MICU2: variants seen among roughly 807,000 people sequenced by gnomAD.
MICU2 encodes mitochondrial calcium uptake 2, also known as calcium uptake protein 2, mitochondrial.
A neutral mutation model predicts 60.4 loss-of-function variants in MICU2; 64 were observed. The observed-to-expected ratio is 1.06, with a 90% CI of 0.87 to 1.31. The LOEUF (loss-of-function observed/expected upper bound fraction) is 1.31, where lower values mean the gene tolerates loss of function less well. Ranked by LOEUF, MICU2 falls within the 50% of genes most tolerant of loss-of-function variation. MICU2 has a pLI of 0.00. For missense variants in MICU2, 569 were observed against 531.0 expected (o/e 1.07, Z -0.70); for synonymous variants, 201 against 175.0 (o/e 1.15, Z -1.17).
chr13:21,508,486 T>G (rs564878270), intron 8 of MICU2, among the ~76,000 whole-genome samples: 1 of 152,324 alleles, frequency 6.6e-6, no homozygotes, highest in African/African-American at 2.4e-5. Context: ...ACCTATCCTT[T>G]ACTCTGCTGC....
At chr13:21,559,547 CAG>C (rs1887790113) in intron 2 of MICU2, among the ~76,000 whole-genome samples, 1 of 145,914 alleles carries the variant, frequency 6.9e-6, no homozygotes, top group African/African-American at 2.5e-5. Flanking sequence ...TTTTTTGAGA[CAG>C]AGTCTTGCTC....
At chr13:21,546,970 G>C (rs907678316) in intron 2 of MICU2, among the ~76,000 whole-genome samples, 4 of 141,576 alleles carry the variant, frequency 2.8e-5, no homozygotes, top group Non-Finnish European at 4.7e-5. Flanking sequence ...AAATGTGTAG[G>C]TCTCATTTCT....
chr13:21,516,357 A>AT (rs1476253653), intron 6 of MICU2, among the ~76,000 whole-genome samples: 8 of 152,334 alleles, frequency 5.3e-5, no homozygotes, highest in Non-Finnish European at 1.2e-4. Flanking sequence ...TTCACTCAGC[A>AT]TAATGGTCTT....
intron 6 of MICU2, among the ~76,000 whole-genome samples, chr13:21,517,755 G>C (rs1823680678): frequency 6.6e-6 from 1 of 150,490 alleles, no homozygotes; most frequent in Admixed American, 6.6e-5. Context: ...ACTCCAGCCT[G>C]GGTGACAGAG....
intron 1 of MICU2, among the ~76,000 whole-genome samples, chr13:21,578,619 C>T (rs1378955607): frequency 1.3e-5 from 2 of 151,990 alleles, no homozygotes; most frequent in African/African-American, 2.4e-5. Context: ...ATATTTTAGT[C>T]TGTGAACCAA....
intron 4 of MICU2, among the ~76,000 whole-genome samples, chr13:21,525,628 C>T (rs1040043819): frequency 6.6e-6 from 1 of 151,556 alleles, no homozygotes; most frequent in African/African-American, 2.4e-5. Flanking sequence ...ATGAATGTCA[C>T]GTGGTATCTC....
At chr13:21,498,470 C>T (rs552630574) in intron 9 of MICU2, among the ~76,000 whole-genome samples, 23 of 148,824 alleles carry the variant, frequency 1.5e-4, no homozygotes, top group African/African-American at 5.6e-4. Flanking sequence ...CCTCTGCTTC[C>T]CAGGTTCAAG....
intron 1 of MICU2, among the ~76,000 whole-genome samples, chr13:21,569,898 G>A (rs907266745): frequency 2.6e-5 from 4 of 151,358 alleles, no homozygotes; most frequent in Admixed American, 6.6e-5. Context: ...CAGGCAGTAT[G>A]ACATCAACCC....
At chr13:21,577,741 G>T in intron 1 of MICU2, among the ~76,000 whole-genome samples, 1 of 147,662 alleles carries the variant, frequency 6.8e-6, no homozygotes, top group Non-Finnish European at 1.5e-5. Context: ...GGAGACAGAG[G>T]TTGCAGTGAG....
At chr13:21,543,110 C>T (rs1887323534) in intron 2 of MICU2, among the ~76,000 whole-genome samples, 1 of 152,148 alleles carries the variant, frequency 6.6e-6, no homozygotes, top group South Asian at 2.1e-4. Context: ...TGATTATACT[C>T]TAATACATGC....
chr13:21,575,528 G>T (rs1490859742), intron 1 of MICU2, among the ~76,000 whole-genome samples: 1 of 151,216 alleles, frequency 6.6e-6, no homozygotes, highest in South Asian at 2.1e-4. Flanking sequence ...TTTGGGACCA[G>T]CCTGGGCAAC....
At position 21,604,097 on chromosome 13, in the gene MICU2, G is replaced by T; in HGVS notation, c.52C>A (p.Leu18Met). 6.3e-7 allele frequency: 1 copy of T among 1,591,676 alleles called. No homozygotes were observed. The highest frequency in any genetic ancestry group is 8.5e-7 in the Non-Finnish European group (1 of 1,170,940). The stretch of plus-strand genomic sequence containing the variant: ...CGGCTGACAGCGAGCCCCCGTCGCA[G>T]TTTTCCGCCCCAGGCCGCCACCCGC... The part of the protein sequence containing the change: ...CARVAAWGGK[L>M]RRGLAVSRQA... The change falls in exon 1 of 12, where the codon CTG (leucine) becomes ATG (methionine). Residue 18 changes from leucine (L) to methionine (M), a missense_variant. Coordinates refer to ENST00000382374, the MANE Select transcript of MICU2 (RefSeq NM_152726.3).
chr13:21,495,950 T>A (rs1354180153), intron 10 of MICU2, 102 bp downstream of exon 10: 3 of 764,272 alleles, frequency 3.9e-6, no homozygotes, highest in Non-Finnish European at 6.3e-6. Flanking sequence ...CAATCAACTA[T>A]TTTTACTTAT....
intron 9 of MICU2, among the ~76,000 whole-genome samples, chr13:21,501,179 C>CT (rs1886141366): frequency 6.6e-6 from 1 of 152,106 alleles, no homozygotes; most frequent in Non-Finnish European, 1.5e-5. Context: ...TTTCTGGAGT[C>CT]TGTCAAATTC....
At chr13:21,576,053 G>C (rs1888220966) in intron 1 of MICU2, among the ~76,000 whole-genome samples, 1 of 152,224 alleles carries the variant, frequency 6.6e-6, no homozygotes, top group African/African-American at 2.4e-5. Context: ...TGTTAGAGCA[G>C]AAGTATGAAA....
chr13:21,497,437 G>A (rs548577401), intron 9 of MICU2, among the ~76,000 whole-genome samples: 18 of 152,212 alleles, frequency 1.2e-4, no homozygotes, highest in Admixed American at 1.0e-3. Context: ...AGCTGGGTAC[G>A]GTGGTTCCTG....
At position 21,499,441 on chromosome 13, in the gene MICU2, G is replaced by A. The variant is rs549831157; in HGVS notation, c.934-3281C>T. Reference sequence around the variant, plus strand: ...CTTTTTTTTTTTGAGATGGAGTCTCGCTCTGTCACCCAGGCTGGAGTGCAG... The same window carrying A: ...CTTTTTTTTTTTGAGATGGAGTCTCACTCTGTCACCCAGGCTGGAGTGCAG... On this transcript the variant is annotated intron_variant, in intron 9 of 11. Transcript: ENST00000382374. Among the ~76,000 whole-genome samples the A allele has an allele frequency of 3.3e-4, 50 of 150,714 alleles. No homozygotes were observed. The South Asian group carries it at 9.4e-3, about 28-fold the overall frequency.
chr13:21,598,610 G>C (rs968308632), intron 1 of MICU2, among the ~76,000 whole-genome samples: 4 of 152,102 alleles, frequency 2.6e-5, no homozygotes, highest in Non-Finnish European at 4.4e-5. Context: ...CAGCTACTTG[G>C]GAGGCTGAGA....
At chr13:21,497,700 C>T (rs1339530750) in intron 9 of MICU2, among the ~76,000 whole-genome samples, 1 of 152,064 alleles carries the variant, frequency 6.6e-6, no homozygotes, top group Non-Finnish European at 1.5e-5. Context: ...AGAGCAAGAC[C>T]CTGTCTCAAA....
Sources: allele counts gnomAD v4.1 joint callset (sites outside exome capture counted in the v4.1 genomes callset), GRCh38; gene constraint gnomAD v4.1.1; transcripts MANE v1.5; gene names NCBI Gene and HGNC (gene_info 2026-07-23, HGNC 2026-07-21).